The following SPATA13 variants were observed in gnomAD, a reference collection of about 807,000 sequenced individuals.
The protein encoded by SPATA13 is spermatogenesis associated 13.
SPATA13 carries 50 observed loss-of-function variants against 104.0 expected under a neutral mutation model. That is an observed-to-expected ratio of 0.48 (90% CI 0.38 to 0.61). SPATA13 has a LOEUF of 0.61. Among genes scored for constraint, SPATA13 ranks in the 20% least tolerant of loss-of-function variants. SPATA13 has a pLI of 0.00. For synonymous variants in SPATA13, 606 were observed against 667.5 expected, an observed-to-expected ratio of 0.91 and a Z score of 1.42; for missense variants, 1,524 against 1,690.6, an observed-to-expected ratio of 0.90 and a Z score of 1.73.
In SPATA13 at chr13:24,294,292, G is replaced by A. The variant is rs922132247; in HGVS notation, c.3081-447G>A. 3.9e-5 allele frequency among the ~76,000 whole-genome samples: 6 copies of A among 152,302 alleles called. No individual in the cohort carries two copies. In the Middle Eastern group the frequency reaches 0.01, roughly 259 times the overall value. On this transcript the variant is annotated intron_variant, in intron 9 of 12. Transcript: ENST00000382108. The stretch of plus-strand genomic sequence containing the variant: ...GTCCTCTCCTGTCCTTTCCCGAACA[G>A]CATAAAAGATGAAGACTCAGAGCAA...
chr13:24,103,288 T>C (rs1442088510), intron 3 of SPATA13, among the ~76,000 whole-genome samples: 27 of 152,092 alleles, frequency 1.8e-4, no homozygotes, highest in Admixed American at 1.8e-3. Context: ...TACACACTTA[T>C]AATTTGAAAA....
chr13:24,292,179 C>T (rs2138752576), intron 9 of SPATA13, among the ~76,000 whole-genome samples: 1 of 152,362 alleles, frequency 6.6e-6, no homozygotes, highest in Non-Finnish European at 1.5e-5. Context: ...AGCCAACCAT[C>T]ATTTCGTGCA....
At chr13:24,080,535 G>A (rs1194852816) in intron 3 of SPATA13, among the ~76,000 whole-genome samples, 2 of 152,194 alleles carry the variant, frequency 1.3e-5, no homozygotes, top group African/African-American at 4.8e-5. Context: ...CGCACACACA[G>A]CAGGTGGGAA....
At chr13:24,028,203 C>A (rs1369084299) in intron 3 of SPATA13, among the ~76,000 whole-genome samples, 4 of 152,210 alleles carry the variant, frequency 2.6e-5, no homozygotes, top group African/African-American at 9.7e-5. Flanking sequence ...CAGATACACA[C>A]ACATACTTAC....
At chr13:24,029,782 C>T (rs1299790108) in intron 3 of SPATA13, among the ~76,000 whole-genome samples, 1 of 152,016 alleles carries the variant, frequency 6.6e-6, no homozygotes, top group African/African-American at 2.4e-5. Context: ...TCCCACCCTC[C>T]ACCCTCCGAT....
intron 4 of SPATA13, among the ~76,000 whole-genome samples, chr13:24,276,816 G>A (rs1034536887): frequency 6.6e-6 from 1 of 152,188 alleles, no homozygotes; most frequent in Non-Finnish European, 1.5e-5. Flanking sequence ...GCCTATTGAA[G>A]TTAGTGAGGA....
intron 3 of SPATA13, among the ~76,000 whole-genome samples, chr13:24,095,419 T>G (rs528400885): frequency 2.9e-3 from 443 of 152,056 alleles, no homozygotes; most frequent in Non-Finnish European, 5.2e-3. Flanking sequence ...GGGTAGGGGG[T>G]GCAGAATAGG....
chr13:23,981,921 C>T (rs1381209187), intron 1 of SPATA13, among the ~76,000 whole-genome samples: 1 of 152,166 alleles, frequency 6.6e-6, no homozygotes, highest in African/African-American at 2.4e-5. Flanking sequence ...TCACGTATTT[C>T]TAAAATCAGA....
chr13:24,093,197 T>A (rs967064830), intron 3 of SPATA13, among the ~76,000 whole-genome samples: 1 of 152,242 alleles, frequency 6.6e-6, no homozygotes, highest in Non-Finnish European at 1.5e-5. Flanking sequence ...AGTGGGAATC[T>A]GCTGTGTCTC....
intron 3 of SPATA13, among the ~76,000 whole-genome samples, chr13:24,036,343 A>G (rs1365291553): frequency 6.6e-6 from 1 of 152,170 alleles, no homozygotes; most frequent in Non-Finnish European, 1.5e-5. Context: ...ATTTGTTACA[A>G]TGTGTTGCCA....
At chr13:24,050,069 C>T (rs1341979960) in intron 3 of SPATA13, among the ~76,000 whole-genome samples, 9 of 151,994 alleles carry the variant, frequency 5.9e-5, no homozygotes, top group South Asian at 4.2e-4. Context: ...GATAGGGTTT[C>T]ACTGTGTGGC....
intron 3 of SPATA13, among the ~76,000 whole-genome samples, chr13:24,101,304 G>T (rs548539630): frequency 2.0e-5 from 3 of 151,992 alleles, no homozygotes; most frequent in Non-Finnish European, 4.4e-5. Context: ...ATGAACATTC[G>T]CTATGTTGGA....
At chr13:24,244,793 G>A (rs557368292) in intron 2 of SPATA13, among the ~76,000 whole-genome samples, 5 of 152,348 alleles carry the variant, frequency 3.3e-5, no homozygotes, top group African/African-American at 4.8e-5. Flanking sequence ...AGCCCAGGAG[G>A]TGGAGGCTGC....
At chr13:24,159,569 G>T (rs1370544194), upstream of SPATA13, among the ~76,000 whole-genome samples, 1 of 152,106 alleles carries the variant, frequency 6.6e-6, no homozygotes, top group African/African-American at 2.4e-5. Context: ...TATGATTGAT[G>T]GGCCCATGTT....
intron 2 of SPATA13, 148 bp downstream of exon 2, chr13:24,224,730 G>A: frequency 1.3e-6 from 1 of 799,000 alleles, no homozygotes; most frequent in Non-Finnish European, 2.1e-6. Context: ...AATGGGAGTT[G>A]TCAAGTTGCT....
At chr13:24,062,331 A>AAGG (rs1236774209) in intron 3 of SPATA13, among the ~76,000 whole-genome samples, 1 of 152,190 alleles carries the variant, frequency 6.6e-6, no homozygotes, top group Non-Finnish European at 1.5e-5. Flanking sequence ...TCTTTGGAGG[A>AAGG]AGGACTAAAG....
At chr13:24,268,613 G>A (rs955803493) in intron 4 of SPATA13, among the ~76,000 whole-genome samples, 10 of 152,074 alleles carry the variant, frequency 6.6e-5, no homozygotes, top group African/African-American at 2.4e-4. Context: ...ACAAAAATTA[G>A]CCGGGCATGG....
chr13:24,240,642 A>G (rs1347587064), intron 2 of SPATA13, among the ~76,000 whole-genome samples: 1 of 152,042 alleles, frequency 6.6e-6, no homozygotes, highest in Non-Finnish European at 1.5e-5. Flanking sequence ...TAGTGATTAC[A>G]TTTTTCTGAA....
intron 3 of SPATA13, among the ~76,000 whole-genome samples, chr13:24,036,964 C>T (rs186135560): frequency 8.0e-4 from 122 of 151,602 alleles, no homozygotes; most frequent in African/African-American, 2.7e-3. Context: ...TTAGTAGAGA[C>T]GGGGTTTGAC....
Sources: allele counts gnomAD v4.1 joint callset (sites outside exome capture counted in the v4.1 genomes callset), GRCh38; gene constraint gnomAD v4.1.1; transcripts MANE v1.5; gene names NCBI Gene and HGNC (gene_info 2026-07-23, HGNC 2026-07-21).